ACER1: variants seen among roughly 807,000 people sequenced by gnomAD.
ACER1 encodes CTB-180A7.3.
In ACER1, 28 loss-of-function variants were observed where a neutral mutation model predicts 24.9. The observed-to-expected ratio is 1.13, with a 90% CI of 0.83 to 1.54. The LOEUF (loss-of-function observed/expected upper bound fraction) is 1.54, where lower values mean the gene tolerates loss of function less well. ACER1 is among the 40% of genes most tolerant of loss of function. The pLI is 0.00. For missense variants in ACER1, 352 were observed against 349.3 expected (o/e 1.01, Z -0.06); for synonymous variants, 132 against 131.4 (o/e 1.00, Z -0.03).
chr19:6,329,583 G>A (rs2091678077), intron 1 of ACER1, among the ~76,000 whole-genome samples: 1 of 152,052 alleles, frequency 6.6e-6, no homozygotes, highest in Non-Finnish European at 1.5e-5. Flanking sequence ...GGTAGCTACA[G>A]GTGGCTCAAT....
chr19:6,306,592 A>C lies in ACER1; in HGVS notation c.*122T>G. On this transcript the variant is annotated 3_prime_UTR_variant, in exon 6 of 6. Coordinates refer to ENST00000301452, the MANE Select transcript of ACER1 (RefSeq NM_133492.3). Reference sequence around the variant, plus strand: ...CAGGGCAGCGCAGGACAAGGAGGACACGGAAGGGGAAACAGAGGAAGGAAC... The same window carrying C: ...CAGGGCAGCGCAGGACAAGGAGGACCCGGAAGGGGAAACAGAGGAAGGAAC... 2 of 1,209,716 alleles carry C rather than the reference A, an allele frequency of 1.7e-6. No homozygotes were observed. The highest frequency in any genetic ancestry group is 2.5e-5 in the East Asian group (1 of 39,566). 74.9% of individuals were successfully genotyped at this position (1,209,716 alleles called of 1,614,324 possible). A position where few individuals can be genotyped will look rare whatever the true frequency, so the allele number is the denominator to read the frequency against.
intron 3 of ACER1, among the ~76,000 whole-genome samples, chr19:6,311,512 AG>A (rs2091580102): frequency 6.6e-6 from 1 of 151,892 alleles, no homozygotes; most frequent in Admixed American, 6.6e-5. Context: ...ACTGCACTCC[AG>A]TGTGGGTGAC....
the ACER1 span, among the ~76,000 whole-genome samples, chr19:6,348,333 C>T: frequency 0.059 from 8,989 of 151,474 alleles, 386 homozygotes; most frequent in African/African-American, 0.12. Flanking sequence ...GGTGTGGTGG[C>T]ACGCGCCTGT....
intron 1 of ACER1, among the ~76,000 whole-genome samples, chr19:6,318,651 T>C (rs2145005803): frequency 7.0e-6 from 1 of 142,352 alleles, no homozygotes; most frequent in South Asian, 2.3e-4. Flanking sequence ...CTGGGTGTGG[T>C]GGCAGGCGCC....
At chr19:6,324,868 G>GAAGA in intron 1 of ACER1, among the ~76,000 whole-genome samples, 1 of 134,224 alleles carries the variant, frequency 7.5e-6, no homozygotes, top group African/African-American at 3.1e-5. Flanking sequence ...AGAAAGGAAG[G>GAAGA]AAGGAAGGAA....
chr19:6,349,840 G>C, the ACER1 span, among the ~76,000 whole-genome samples: 3 of 152,014 alleles, frequency 2.0e-5, no homozygotes, highest in Non-Finnish European at 4.4e-5. Flanking sequence ...TCTTAAAAGG[G>C]GATCTGGGGG....
intron 3 of ACER1, among the ~76,000 whole-genome samples, chr19:6,311,551 G>C (rs974821093): frequency 6.6e-6 from 1 of 151,316 alleles, no homozygotes; most frequent in Non-Finnish European, 1.5e-5. Context: ...CAAAAAGGAA[G>C]AAGAAGGAGG....
At chr19:6,350,625 A>AGGAG in the ACER1 span, among the ~76,000 whole-genome samples, 3 of 126,396 alleles carry the variant, frequency 2.4e-5, no homozygotes, top group Non-Finnish European at 3.3e-5. Context: ...GAGGGAGGGA[A>AGGAG]GGAGGGAGGG....
the ACER1 span, among the ~76,000 whole-genome samples, chr19:6,344,208 G>C: frequency 1.6e-3 from 242 of 152,120 alleles, 1 homozygote; most frequent in African/African-American, 5.5e-3. Context: ...GGTGGAGCTT[G>C]CAGTGAGCCG....
the ACER1 span, among the ~76,000 whole-genome samples, chr19:6,352,048 T>C: frequency 7.9e-6 from 1 of 126,552 alleles, no homozygotes; most frequent in African/African-American, 3.3e-5. Flanking sequence ...AGGGCAAGAC[T>C]CCATCTCAAA....
At chr19:6,317,676 C>T (rs1399589003) in intron 1 of ACER1, among the ~76,000 whole-genome samples, 1 of 152,152 alleles carries the variant, frequency 6.6e-6, no homozygotes, top group Non-Finnish European at 1.5e-5. Context: ...TTAAACTTGG[C>T]GTATAAATTC....
the ACER1 span, among the ~76,000 whole-genome samples, chr19:6,338,883 T>A: frequency 7.0e-5 from 10 of 143,248 alleles, no homozygotes; most frequent in Non-Finnish European, 9.2e-5. Flanking sequence ...CCTTAAAATC[T>A]TTTTTTTTTT....
At chr19:6,347,082 C>T in the ACER1 span, among the ~76,000 whole-genome samples, 6 of 108,672 alleles carry the variant, frequency 5.5e-5, no homozygotes, top group South Asian at 2.6e-4. Context: ...GCCAACACCA[C>T]GAGTCCCTGT....
the ACER1 span, among the ~76,000 whole-genome samples, chr19:6,342,572 A>C: frequency 6.6e-6 from 1 of 151,512 alleles, no homozygotes; most frequent in African/African-American, 2.4e-5. Flanking sequence ...ACAAAAAATT[A>C]GCCAGGCGTG....
At chr19:6,346,867 C>A in the ACER1 span, among the ~76,000 whole-genome samples, 1 of 151,792 alleles carries the variant, frequency 6.6e-6, no homozygotes, top group African/African-American at 2.4e-5. Flanking sequence ...TCTCTGCCCA[C>A]CCCCTTCTTT....
At chr19:6,307,052 T>C in intron 5 of ACER1, 101 bp downstream of exon 5, 1 of 1,547,188 alleles carries the variant, frequency 6.5e-7, no homozygotes, top group Non-Finnish European at 8.7e-7. Context: ...GGCTCTCCTC[T>C]CTCTGCTTCT....
At chr19:6,340,647 C>G in the ACER1 span, among the ~76,000 whole-genome samples, 1 of 152,130 alleles carries the variant, frequency 6.6e-6, no homozygotes, top group Admixed American at 6.6e-5. Flanking sequence ...CTGCTGAGAT[C>G]CTGAATCTTG....
rs569111542 is a variant in ACER1, at chr19:6,306,536, G to T, written c.*178C>A. The T allele has an allele frequency of 1.2e-5, 8 of 692,654 alleles. No homozygotes were observed. In the East Asian group the frequency reaches 2.3e-4, roughly 20 times the overall value. The allele number at this position is 692,654 out of a possible 1,614,324, so 42.9% of individuals were successfully genotyped here. A position where few individuals can be genotyped will look rare whatever the true frequency, so the allele number is the denominator to read the frequency against. Reference sequence around the variant, plus strand: ...CACAGTCACCAGGCTGCTGCTCAGAGATGTCACAAAGTCCATCATCTGCCT... The same window carrying T: ...CACAGTCACCAGGCTGCTGCTCAGATATGTCACAAAGTCCATCATCTGCCT... On this transcript the variant is annotated 3_prime_UTR_variant, in exon 6 of 6. Coordinates refer to ENST00000301452, the MANE Select transcript of ACER1 (RefSeq NM_133492.3).
At chr19:6,320,296 C>T (rs1051551543) in intron 1 of ACER1, among the ~76,000 whole-genome samples, 4 of 151,924 alleles carry the variant, frequency 2.6e-5, no homozygotes, top group South Asian at 2.1e-4. Context: ...AAGTGTGCAC[C>T]GGCCACAGCA....
Sources: gnomAD v4.1 joint callset for allele counts (sites outside exome capture counted in the v4.1 genomes callset) on GRCh38, gnomAD v4.1.1 for gene constraint, MANE v1.5 for transcripts, NCBI Gene and HGNC (gene_info 2026-07-23, HGNC 2026-07-21) for gene names.